KANK1: variants seen among roughly 807,000 people sequenced by gnomAD.
The protein encoded by KANK1 is KN motif and ankyrin repeat domains 1.
KANK1 carries 109 observed loss-of-function variants against 106.2 expected under a neutral mutation model. That is an observed-to-expected ratio of 1.03 (90% confidence interval 0.88 to 1.20). The LOEUF (loss-of-function observed/expected upper bound fraction) is 1.20, where lower values mean the gene tolerates loss of function less well. Ranked by LOEUF, KANK1 falls within the 50% of genes most tolerant of loss-of-function variation. The probability of loss-of-function intolerance (pLI) is 0.00; values close to 1 mark genes in which losing one functional copy is unlikely to be tolerated. For synonymous variants in KANK1, 873 were observed against 652.2 expected, an observed-to-expected ratio of 1.34 and a Z score of -5.16; for missense variants, 2,399 against 1,710.7, an observed-to-expected ratio of 1.40 and a Z score of -7.10.
intron 1 of KANK1, among the ~76,000 whole-genome samples, chr9:585,751 G>C (rs1007413597): frequency 2.0e-5 from 3 of 152,138 alleles, no homozygotes. Flanking sequence ...CTTGAAAGAG[G>C]GGGTAAGAAA....
chr9:533,417 G>A (rs1360479882), intron 1 of KANK1, among the ~76,000 whole-genome samples: 1 of 152,204 alleles, frequency 6.6e-6, no homozygotes, highest in East Asian at 1.9e-4. Context: ...GCTTTTTGTG[G>A]GGGACAGATG....
chr9:558,044 G>T (rs899145676), intron 1 of KANK1, among the ~76,000 whole-genome samples: 1 of 152,204 alleles, frequency 6.6e-6, no homozygotes, highest in African/African-American at 2.4e-5. Context: ...TGGTAGGAAT[G>T]TCAAGGAACC....
rs371912719 is a variant in KANK1, at chr9:621,965, G to A, written c.-83-54925G>A. ...GCCGAAGCCTCTTGGGAAGGAAGGAGGGAAGAGGAGAAGAAAAGATACTAA... is the reference window on the plus strand; with the variant it reads ...GCCGAAGCCTCTTGGGAAGGAAGGAAGGAAGAGGAGAAGAAAAGATACTAA... On this transcript the variant is annotated intron_variant, in intron 1 of 11. Coordinates refer to ENST00000382297, the MANE Select transcript of KANK1 (RefSeq NM_015158.5). 9.2e-5 allele frequency among the ~76,000 whole-genome samples: 14 copies of A among 152,128 alleles called. No individual in the cohort carries two copies. The East Asian group carries it at 9.6e-4, about 10-fold the overall frequency.
At chr9:608,982 G>A (rs923111010) in intron 1 of KANK1, among the ~76,000 whole-genome samples, 1 of 152,026 alleles carries the variant, frequency 6.6e-6, no homozygotes, top group African/African-American at 2.4e-5. Context: ...GTTAGCTTTC[G>A]GGGTCACTGC....
rs111577568 is a variant in KANK1, at chr9:688,041, C to G, written c.37+11032C>G. Reference sequence around the variant, plus strand: ...TGGGCATATAATACAGGTCAAAAATCAGGCCCAGCACCTGCCTAAGAATTT... The same window carrying G: ...TGGGCATATAATACAGGTCAAAAATGAGGCCCAGCACCTGCCTAAGAATTT... On this transcript the variant is annotated intron_variant, in intron 2 of 11. Coordinates refer to ENST00000382297, the MANE Select transcript of KANK1 (RefSeq NM_015158.5). 6.0e-3 allele frequency among the ~76,000 whole-genome samples: 915 copies of G among 152,290 alleles called. 9 individuals carry two copies. The highest frequency in any genetic ancestry group is 0.021 in the African/African-American group (872 of 41,560).
chr9:545,872 A>G (rs1307395900), intron 1 of KANK1, among the ~76,000 whole-genome samples: 2 of 151,814 alleles, frequency 1.3e-5, no homozygotes, highest in Admixed American at 6.6e-5. Flanking sequence ...CAGCCTCCCA[A>G]GTAGCTGGGA....
At chr9:652,936 C>T (rs2137642846) in intron 1 of KANK1, among the ~76,000 whole-genome samples, 1 of 152,276 alleles carries the variant, frequency 6.6e-6, no homozygotes, top group Non-Finnish European at 1.5e-5. Context: ...ACACAGAGCC[C>T]AGGTGTTTCA....
intron 1 of KANK1, among the ~76,000 whole-genome samples, chr9:531,240 A>C (rs1380915438): frequency 6.6e-6 from 1 of 152,078 alleles, no homozygotes; most frequent in African/African-American, 2.4e-5. Flanking sequence ...GGAGTTTGAG[A>C]CCAGCCTGGG....
chr9:726,607 G>A (rs1321460653), intron 3 of KANK1, among the ~76,000 whole-genome samples: 1 of 150,790 alleles, frequency 6.6e-6, no homozygotes, highest in Non-Finnish European at 1.5e-5. Context: ...CCACTGCACT[G>A]TAGCCTAGCA....
intron 1 of KANK1, among the ~76,000 whole-genome samples, chr9:661,056 G>A (rs1035259138): frequency 3.4e-5 from 5 of 145,578 alleles, no homozygotes; most frequent in Non-Finnish European, 7.5e-5. Flanking sequence ...CAATTTCATG[G>A]AAAGTAACCA....
intron 1 of KANK1, among the ~76,000 whole-genome samples, chr9:556,967 G>A (rs2061628629): frequency 6.6e-6 from 1 of 152,120 alleles, no homozygotes; most frequent in Admixed American, 6.5e-5. Flanking sequence ...TTGAGTTCTT[G>A]AAGATAAGAA....
intron 3 of KANK1, among the ~76,000 whole-genome samples, chr9:717,320 C>T (rs957676035): frequency 2.0e-5 from 3 of 152,004 alleles, no homozygotes; most frequent in African/African-American, 7.2e-5. Context: ...ATTAAAAGTT[C>T]AGAAGAGCAT....
intron 1 of KANK1, among the ~76,000 whole-genome samples, chr9:513,036 G>A (rs562575830): frequency 6.6e-6 from 1 of 152,306 alleles, no homozygotes; most frequent in African/African-American, 2.4e-5. Flanking sequence ...TGGCAGAAAA[G>A]CAGCTTCAAA....
intron 1 of KANK1, among the ~76,000 whole-genome samples, chr9:513,359 A>G (rs1336813615): frequency 1.3e-5 from 2 of 152,224 alleles, no homozygotes; most frequent in African/African-American, 4.8e-5. Context: ...TTTCATTACC[A>G]AAGCAATCAG....
chr9:599,310 A>C (rs1164515341), intron 1 of KANK1, among the ~76,000 whole-genome samples: 1 of 151,436 alleles, frequency 6.6e-6, no homozygotes, highest in Non-Finnish European at 1.5e-5. Flanking sequence ...GAGCCACCAC[A>C]CCCGGCAAGA....
At chr9:697,748 T>C (rs1193707933) in intron 2 of KANK1, among the ~76,000 whole-genome samples, 1 of 152,208 alleles carries the variant, frequency 6.6e-6, no homozygotes, top group East Asian at 1.9e-4. Context: ...TCATTAATCA[T>C]ATTATTTTCA....
chr9:612,487 T>C (rs1172242881), intron 1 of KANK1, among the ~76,000 whole-genome samples: 1 of 151,760 alleles, frequency 6.6e-6, no homozygotes, highest in Non-Finnish European at 1.5e-5. Flanking sequence ...GCCTTTAGGG[T>C]TTCAGTGTCA....
At chr9:588,740 A>T (rs1588062672) in intron 1 of KANK1, among the ~76,000 whole-genome samples, 1 of 152,140 alleles carries the variant, frequency 6.6e-6, no homozygotes, top group African/African-American at 2.4e-5. Context: ...TAGGGCACGG[A>T]CTGTAGAGTT....
At chr9:690,133 CAAAAAA>C (rs57837964) in intron 2 of KANK1, among the ~76,000 whole-genome samples, 2 of 61,650 alleles carry the variant, frequency 3.2e-5, no homozygotes, top group African/African-American at 1.5e-4. Flanking sequence ...TCTAAAAATA[CAAAAAA>C]AAAAAAAAAA....
Sources: allele counts gnomAD v4.1 joint callset (sites outside exome capture counted in the v4.1 genomes callset), GRCh38; gene constraint gnomAD v4.1.1; transcripts MANE v1.5; gene names NCBI Gene and HGNC (gene_info 2026-07-23, HGNC 2026-07-21).